The following RBM19 variants were observed in gnomAD, a reference collection of about 807,000 sequenced individuals.
The protein encoded by RBM19 is probable RNA-binding protein 19.
A neutral mutation model predicts 116.8 loss-of-function variants in RBM19; 94 were observed. The ratio of observed to expected loss-of-function variants is 0.80; its 90% CI spans 0.68 to 0.95. The LOEUF (loss-of-function observed/expected upper bound fraction) is 0.95, where lower values mean the gene tolerates loss of function less well. RBM19 is among the 40% of genes least tolerant of loss of function. The probability of loss-of-function intolerance (pLI) is 0.00; values close to 1 mark genes in which losing one functional copy is unlikely to be tolerated. For missense variants in RBM19, 1,161 were observed against 1,220.7 expected (o/e 0.95, Z 0.73); for synonymous variants, 475 against 494.1 (o/e 0.96, Z 0.51).
intron 1 of RBM19, among the ~76,000 whole-genome samples, chr12:113,963,910 T>G (rs1872680030): frequency 6.6e-6 from 1 of 152,256 alleles, no homozygotes; most frequent in African/African-American, 2.4e-5. Flanking sequence ...AGACAGGCCC[T>G]GGCTAACTCC....
At position 113,844,573 on chromosome 12, in the gene RBM19, T is replaced by C. The variant is rs1442130742; in HGVS notation, c.2785+95A>G. Reference sequence around the variant, plus strand: ...CTTGGCAGCCCTTGTGCCCATAGCCTGCTGGGTCGAGGGCAGTTCTCTCAG... The same window carrying C: ...CTTGGCAGCCCTTGTGCCCATAGCCCGCTGGGTCGAGGGCAGTTCTCTCAG... On this transcript the variant is annotated intron_variant, in intron 23 of 23. Transcript: ENST00000261741. 2.7e-6 allele frequency: 4 copies of C among 1,467,576 alleles called. No individual in the cohort carries two copies. In the African/African-American group the frequency reaches 4.3e-5, roughly 16 times the overall value. 90.9% of individuals were successfully genotyped at this position (1,467,576 alleles called of 1,614,324 possible). A position where few individuals can be genotyped will look rare whatever the true frequency, so the allele number is the denominator to read the frequency against.
At chr12:113,947,035 ATC>A (rs1871085288) in intron 11 of RBM19, among the ~76,000 whole-genome samples, 1 of 152,220 alleles carries the variant, frequency 6.6e-6, no homozygotes, top group Non-Finnish European at 1.5e-5. Context: ...CTAAGGTGGT[ATC>A]TATAGAGATG....
intron 23 of RBM19, among the ~76,000 whole-genome samples, chr12:113,835,667 G>A (rs374831271): frequency 4.6e-5 from 7 of 152,192 alleles, no homozygotes; most frequent in Non-Finnish European, 8.8e-5. Context: ...CGTCTGTGCC[G>A]GAAGAGCACT....
chr12:113,907,393 C>T lies in RBM19; in HGVS notation c.2558+7576G>A, dbSNP rs530847871. Among the ~76,000 whole-genome samples, 30 of 152,294 alleles carry T rather than the reference C, an allele frequency of 2.0e-4. No individual in the cohort carries two copies. The East Asian group carries it at 2.3e-3, about 12-fold the overall frequency. On this transcript the variant is annotated intron_variant, in intron 21 of 23. Coordinates refer to ENST00000261741, the MANE Select transcript of RBM19 (RefSeq NM_016196.4). ...CTGGTACAGAGAGAGGCTCCATCAA[C>T]GCCAGAGGAATGCCAGGGGAATAAA...
chr12:113,904,038 T>C lies in RBM19; in HGVS notation c.2558+10931A>G, dbSNP rs1042719378. The stretch of plus-strand genomic sequence containing the variant: ...AAATAAAAAGATATGAGGCAAGGAC[T>C]CCTACATTCTGTCTTGGGGCCATTC... On this transcript the variant is annotated intron_variant, in intron 21 of 23. Transcript: ENST00000261741. Among the ~76,000 whole-genome samples, 3 of 152,206 alleles carry C rather than the reference T, an allele frequency of 2.0e-5. No individual in the cohort carries two copies. In the East Asian group the frequency reaches 5.8e-4, roughly 29 times the overall value.
intron 23 of RBM19, among the ~76,000 whole-genome samples, chr12:113,832,079 G>C (rs933219981): frequency 6.6e-6 from 1 of 152,196 alleles, no homozygotes; most frequent in Non-Finnish European, 1.5e-5. Flanking sequence ...GTGTGAGAAA[G>C]AGTGGGTTTC....
At chr12:113,870,567 G>A (rs1307249413) in intron 21 of RBM19, among the ~76,000 whole-genome samples, 6 of 152,154 alleles carry the variant, frequency 3.9e-5, no homozygotes, top group African/African-American at 1.4e-4. Flanking sequence ...GAGGGCAGGT[G>A]ATGAGAATAA....
At chr12:113,955,321 G>A (rs376837771) in intron 6 of RBM19, 110 bp from the exon 7 acceptor site, 1 of 1,040,016 alleles carries the variant, frequency 9.6e-7, no homozygotes, top group African/African-American at 1.6e-5. Flanking sequence ...GCCGCCAGGG[G>A]GAGCTGGGGA....
rs370968259 is a variant in RBM19 at position 113,865,597 on chromosome 12, C to T, written c.2559-6701G>A. Among the ~76,000 whole-genome samples the T allele has an allele frequency of 3.4e-4, 52 of 152,286 alleles. 1 individual carries two copies. The highest frequency in any genetic ancestry group is 1.2e-3 in the African/African-American group (51 of 41,564). ...AATTCATCATCTATTGACATCTCCC[C>T]GAGTGCCAGGTCCCTATACTTCTCA... On this transcript the variant is annotated intron_variant, in intron 21 of 23. Transcript: ENST00000261741.
In RBM19 at chr12:113,898,606, G is replaced by T. The variant is rs888759014; in HGVS notation, c.2558+16363C>A. Among the ~76,000 whole-genome samples, 6 of 152,236 alleles carry T rather than the reference G, an allele frequency of 3.9e-5. No individual in the cohort carries two copies. The highest frequency in any genetic ancestry group is 8.8e-5 in the Non-Finnish European group (6 of 68,038). On this transcript the variant is annotated intron_variant, in intron 21 of 23. Coordinates refer to ENST00000261741, the MANE Select transcript of RBM19 (RefSeq NM_016196.4). This position sits in a 1 kb window ranked among gnomAD's most constrained non-coding sequence, Gnocchi z 4.3. ...TAAGCACCGCTGCATGAAAACGGGT[G>T]TTTGATGACCGGCAAGACTCAGAGA...
intron 21 of RBM19, among the ~76,000 whole-genome samples, chr12:113,888,764 C>T (rs1415001730): frequency 2.0e-5 from 3 of 152,156 alleles, no homozygotes; most frequent in Non-Finnish European, 4.4e-5. Flanking sequence ...GCTGTAATTC[C>T]CGTCTTCATC....
intron 23 of RBM19, among the ~76,000 whole-genome samples, chr12:113,830,575 C>CGGG (rs1232420079): frequency 1.7e-4 from 2 of 12,074 alleles, no homozygotes; most frequent in Non-Finnish European, 1.3e-4. Flanking sequence ...GGCTGCGGGG[C>CGGG]GGGGGGGGGG....
At chr12:113,840,918 T>C (rs563013857) in intron 23 of RBM19, among the ~76,000 whole-genome samples, 7 of 152,350 alleles carry the variant, frequency 4.6e-5, no homozygotes, top group South Asian at 2.1e-4. Context: ...TAAGCTGCCA[T>C]TGCATGACAG....
At chr12:113,929,066 G>A (rs902817451) in intron 16 of RBM19, among the ~76,000 whole-genome samples, 5 of 152,102 alleles carry the variant, frequency 3.3e-5, no homozygotes, top group Non-Finnish European at 7.4e-5. Flanking sequence ...GCACCTGGAG[G>A]TCCCACGGGC....
At chr12:113,950,204 TGTG>T in intron 8 of RBM19, 50 bp from the exon 9 acceptor site, 5 of 1,457,140 alleles carry the variant, frequency 3.4e-6, no homozygotes, top group Non-Finnish European at 4.8e-6. Context: ...TGCAGACACT[TGTG>T]GTGGTCCCCA....
At chr12:113,816,935 C>G (rs898823724) in exon 25 of RBM19, 1 of 152,170 alleles carries the variant, frequency 6.6e-6, no homozygotes, top group African/African-American at 2.4e-5. Flanking sequence ...TCAGCATGCG[C>G]TCACTCTCCC....
rs774960617 is a variant in RBM19 at position 113,962,330 on chromosome 12, A to C, written c.121T>G (p.Phe41Val). 5.6e-6 allele frequency: 9 copies of C among 1,614,130 alleles called. No individual in the cohort carries two copies. Among genetic ancestry groups the C allele is most frequent in the Non-Finnish European group, 6.8e-6 (8 of 1,180,044 alleles). ...CSLKFTKDGK[F>V]RKFGFIGFKS... ...AAGCCAATAAAACCAAACTTGCGGA[A>C]CTTGCCATCTTTGGTGAACTTCAGG... Residue 41 changes from phenylalanine to valine, a missense_variant, in exon 2 of 24, where the codon TTC becomes GTC. By Grantham distance (50) the Phe-to-Val change is conservative. Transcript: ENST00000261741.
intron 21 of RBM19, among the ~76,000 whole-genome samples, chr12:113,879,203 C>G: frequency 6.6e-6 from 1 of 151,970 alleles, no homozygotes; most frequent in Non-Finnish European, 1.5e-5. Flanking sequence ...CACAGGACAC[C>G]AGTGGGCAAT....
intron 13 of RBM19, among the ~76,000 whole-genome samples, chr12:113,944,313 G>A (rs1302528493): frequency 6.6e-6 from 1 of 151,582 alleles, no homozygotes; most frequent in Non-Finnish European, 1.5e-5. Flanking sequence ...GGCCAGGCTG[G>A]TCTCGAACTC....
Sources: gnomAD v4.1 joint callset for allele counts (sites outside exome capture counted in the v4.1 genomes callset) on GRCh38, gnomAD v4.1.1 for gene constraint, Gnocchi (gnomAD v3.1) non-coding constraint, MANE v1.5 for transcripts, NCBI Gene and HGNC (gene_info 2026-07-23, HGNC 2026-07-21) for gene names.